TET3: variants seen among roughly 807,000 people sequenced by gnomAD.
TET3 encodes the protein tet methylcytosine dioxygenase 3.
In TET3, 19 loss-of-function variants were observed where a neutral mutation model predicts 141.4. That is an observed-to-expected ratio of 0.13 (90% CI 0.09 to 0.20). TET3 has a LOEUF of 0.20. TET3 is among the 10% of genes least tolerant of loss of function. The pLI is 1.00. For synonymous variants in TET3, 1,043 were observed against 980.9 expected (o/e 1.06, Z -1.18); for missense variants, 1,874 against 2,356.9 (o/e 0.80, Z 4.24).
chr2:74,118,037 C>A, the TET3 span, among the ~76,000 whole-genome samples: 1 of 152,230 alleles, frequency 6.6e-6, no homozygotes, highest in Non-Finnish European at 1.5e-5. Context: ...AGCCACTGCA[C>A]CCGACCCACA....
At chr2:73,995,032 C>T (rs1223173145) in intron 2 of TET3, among the ~76,000 whole-genome samples, 1 of 152,184 alleles carries the variant, frequency 6.6e-6, no homozygotes, top group East Asian at 1.9e-4. Context: ...GTGATCTCAG[C>T]TCACTGCAAC....
chr2:74,134,900 G>A, the TET3 span: 1 of 387,726 alleles, frequency 2.6e-6, no homozygotes, highest in Non-Finnish European at 5.3e-6. Context: ...CACTGTCCCT[G>A]CTCCTCGGTG....
At chr2:74,040,747 A>G (rs1364897316) in intron 3 of TET3, among the ~76,000 whole-genome samples, 8 of 152,174 alleles carry the variant, frequency 5.3e-5, no homozygotes, top group African/African-American at 1.9e-4. Context: ...CTTTGTCTCT[A>G]CTAAAAATAA....
Position 74,047,036 on chromosome 2 carries a change from T to G in TET3, c.1119T>G (p.Pro373=). 1 of 1,613,962 alleles carries G rather than the reference T, an allele frequency of 6.2e-7. No homozygotes were observed. Among genetic ancestry groups the G allele is most frequent in the South Asian group, 1.1e-5 (1 of 91,078 alleles). Reference sequence around the variant, plus strand: ...AGCTCTCCTCTGCCCTCCCGCAGCCTTCTCATTCCACCCCCCAGGCTTCTT... The same window carrying G: ...AGCTCTCCTCTGCCCTCCCGCAGCCGTCTCATTCCACCCCCCAGGCTTCTT... ...LTQLSSALPQ[P]SHSTPQASCP... is the part of the protein sequence containing the mutation. The change falls in exon 4 of 12, where the codon CCT becomes CCG. Residue 373 remains proline (P), a synonymous_variant. Transcript: ENST00000409262.
rs1013592464 is a variant in TET3 at position 74,061,790 on chromosome 2, C to CG, written c.2495-11756dup. On this transcript the variant is annotated intron_variant, in intron 4 of 11. Coordinates refer to ENST00000409262, the MANE Select transcript of TET3 (RefSeq NM_001287491.2). ...CTCACCTCCCAGACGGGGTCGCGGC[C>CG]GGGTAGAGGCGCTCCTCACATCTCA... Among the ~76,000 whole-genome samples, 10 of 112,576 alleles carry CG rather than the reference C, an allele frequency of 8.9e-5. 1 individual carries two copies. Among genetic ancestry groups the CG allele is most frequent in the Non-Finnish European group, 1.7e-4 (9 of 52,314 alleles). 73.9% of individuals were successfully genotyped at this position (112,576 alleles called of 152,430 possible).
At chr2:74,081,392 T>G (rs1689816126) in intron 6 of TET3, among the ~76,000 whole-genome samples, 1 of 152,374 alleles carries the variant, frequency 6.6e-6, no homozygotes, top group East Asian at 1.9e-4. Context: ...TCGGTCCCTA[T>G]GTTCAAGCTG....
At chr2:74,122,457 A>ATATGTGTGTGTGTGTGTGTG in the TET3 span, 5 of 127,500 alleles carry the variant, frequency 3.9e-5, no homozygotes, top group South Asian at 2.8e-4. Context: ...AAATATATAT[A>ATATGTGTGTGTGTGTGTGTG]TGTGTGTGTG....
Position 74,101,342 on chromosome 2 carries a change from T to G in TET3, c.4554T>G (p.Phe1518Leu). 1 of 1,613,748 alleles carries G rather than the reference T, an allele frequency of 6.2e-7. No individual in the cohort carries two copies. Among genetic ancestry groups the G allele is most frequent in the Non-Finnish European group, 8.5e-7 (1 of 1,179,816 alleles). Residue 1518 changes from phenylalanine (F) to leucine (L), a missense_variant, in exon 12 of 12, where the codon TTT (phenylalanine) becomes TTG (leucine). By Grantham distance (22) the Phe-to-Leu change is conservative. This residue lies in a region of TET3 where 602 missense variants were observed against 590.2 expected (regional missense o/e 1.02). Coordinates refer to ENST00000409262, the MANE Select transcript of TET3 (RefSeq NM_001287491.2). The surrounding 1 kb of genome is among the most constrained non-coding windows in gnomAD (Gnocchi z 8.5). Reference sequence around the variant, plus strand: ...GCAAACCGTGGAGCCCCTGCAAGTTTGGGAACAGCACCTCGGCCTTGGCTG... The same window carrying G: ...GCAAACCGTGGAGCCCCTGCAAGTTGGGGAACAGCACCTCGGCCTTGGCTG... ...LRGKPWSPCK[F>L]GNSTSALAGP...
chr2:74,063,684 T>TA (rs1323879486), intron 4 of TET3, among the ~76,000 whole-genome samples: 1 of 152,118 alleles, frequency 6.6e-6, no homozygotes, highest in Non-Finnish European at 1.5e-5. Flanking sequence ...GGTATAAAGT[T>TA]ACAGTTATGC....
intron 4 of TET3, among the ~76,000 whole-genome samples, chr2:74,073,338 A>C (rs1177223708): frequency 6.6e-6 from 1 of 152,090 alleles, no homozygotes; most frequent in East Asian, 1.9e-4. Flanking sequence ...AATTTTTGCC[A>C]ATTTGGTCCA....
At chr2:74,018,131 C>G (rs1400008984) in intron 3 of TET3, among the ~76,000 whole-genome samples, 1 of 152,040 alleles carries the variant, frequency 6.6e-6, no homozygotes. Flanking sequence ...CCGTGCCCGA[C>G]TAATTTTGTA....
intron 2 of TET3, 149 bp from the exon 3 acceptor site, chr2:74,002,961 A>T (rs1245694493): frequency 5.3e-6 from 4 of 755,790 alleles, no homozygotes; most frequent in Admixed American, 4.9e-5. Context: ...GGAGGCAGGA[A>T]GATGGTCCCA....
chr2:74,082,672 G>GTA (rs1421495607), intron 6 of TET3, among the ~76,000 whole-genome samples: 1 of 152,184 alleles, frequency 6.6e-6, no homozygotes, highest in African/African-American at 2.4e-5. Context: ...ATCTCCTTTA[G>GTA]TGTGGTGGAT....
At chr2:74,049,412 G>A (rs185435360) in intron 4 of TET3, among the ~76,000 whole-genome samples, 246 of 152,246 alleles carry the variant, frequency 1.6e-3, no homozygotes, top group African/African-American at 5.6e-3. Context: ...TCTGGAATGA[G>A]AGTAGGGTGC....
chr2:73,986,299 C>T lies in TET3; in HGVS notation c.-105C>T, dbSNP rs1051776396. The T allele has an allele frequency of 3.7e-6, 4 of 1,074,246 alleles. No individual in the cohort carries two copies. The African/African-American group carries it at 4.9e-5, about 13-fold the overall frequency. The allele number at this position is 1,074,246 out of a possible 1,614,324, so 66.5% of individuals were successfully genotyped here. A position where few individuals can be genotyped will look rare whatever the true frequency, so the allele number is the denominator to read the frequency against. On this transcript the variant is annotated 5_prime_UTR_variant, in exon 2 of 12. Transcript: ENST00000409262. ...AGCCACTTGCCTTCACCCTTGTAGA[C>T]TCTTGACTGTTCTAGGCGAGAAGGA... is the stretch of plus-strand genomic sequence containing the variant.
chr2:74,034,879 C>CTG (rs1686948316), intron 3 of TET3, among the ~76,000 whole-genome samples: 1 of 151,954 alleles, frequency 6.6e-6, no homozygotes, highest in African/African-American at 2.4e-5. Context: ...TTTTGCCTTC[C>CTG]TGCCAGTGAG....
the TET3 span, among the ~76,000 whole-genome samples, chr2:74,113,613 A>T: frequency 1.3e-4 from 20 of 152,292 alleles, no homozygotes; most frequent in African/African-American, 4.6e-4. Context: ...AAAAAAAAAA[A>T]TTACATACAC....
At chr2:74,008,669 C>T (rs536052340) in intron 3 of TET3, among the ~76,000 whole-genome samples, 39 of 152,074 alleles carry the variant, frequency 2.6e-4, no homozygotes, top group African/African-American at 8.7e-4. Context: ...TGAGGATCTA[C>T]GGCCTTTTTT....
At chr2:73,992,199 C>G (rs921820230) in intron 2 of TET3, among the ~76,000 whole-genome samples, 1 of 152,088 alleles carries the variant, frequency 6.6e-6, no homozygotes, top group African/African-American at 2.4e-5. Context: ...GAAGATATAA[C>G]CTGGGGAAAA....
Sources: gnomAD v4.1 joint callset for allele counts (sites outside exome capture counted in the v4.1 genomes callset) on GRCh38, gnomAD v4.1.1 for gene constraint, gnomAD v4.1.1 regional missense constraint, Gnocchi (gnomAD v3.1) non-coding constraint, MANE v1.5 for transcripts, NCBI Gene and HGNC (gene_info 2026-07-23, HGNC 2026-07-21) for gene names.